SEC23IP: variants seen among roughly 807,000 people sequenced by gnomAD.
SEC23IP encodes SEC23-interacting protein.
A neutral mutation model predicts 113.4 loss-of-function variants in SEC23IP; 70 were observed. That is an observed-to-expected ratio of 0.62 (90% CI 0.51 to 0.75). The LOEUF is 0.75. Among genes scored for constraint, SEC23IP ranks in the 30% least tolerant of loss-of-function variants. SEC23IP has a pLI of 0.00. For missense variants in SEC23IP, 1,160 were observed against 1,204.9 expected, an observed-to-expected ratio of 0.96 and a Z score of 0.55; for synonymous variants, 398 against 421.0, an observed-to-expected ratio of 0.95 and a Z score of 0.67.
chr10:119,939,933 A>C (rs539324160), intron 18 of SEC23IP, among the ~76,000 whole-genome samples: 1 of 152,070 alleles, frequency 6.6e-6, no homozygotes, highest in Non-Finnish European at 1.5e-5. Context: ...CTGAGCTGAG[A>C]TGATCCACTT....
rs1282933655 is a variant in SEC23IP, at chr10:119,906,616, C to T, written c.1101+2339C>T. 1.3e-5 allele frequency among the ~76,000 whole-genome samples: 2 copies of T among 152,042 alleles called. 1 individual carries two copies. The highest frequency in any genetic ancestry group is 4.1e-4 in the South Asian group (2 of 4,824). On this transcript the variant is annotated intron_variant, in intron 4 of 18. Coordinates refer to ENST00000369075, the MANE Select transcript of SEC23IP (RefSeq NM_007190.4). ...TTTTTTAAACAGGATCTCACTGTCC[C>T]CCAGGGTGGAGTGCAGTGGCGTGAT...
rs765479607 is a variant in SEC23IP, at chr10:119,933,752, A to G, written c.2988A>G (p.Glu996=). 1 of 1,582,606 alleles carries G rather than the reference A, an allele frequency of 6.3e-7. No homozygotes were observed. The highest frequency in any genetic ancestry group is 8.7e-7 in the Non-Finnish European group (1 of 1,151,828). The change falls in exon 18 of 19, where the codon GAA becomes GAG. Residue 996 remains glutamate (E), a synonymous_variant. Transcript: ENST00000369075. The stretch of plus-strand genomic sequence containing the variant: ...ATCGAACAATGAACATTAGTCCAGA[A>G]CAGCCCCAGCATTGATCAAACTTCA... The part of the protein sequence containing the change: ...EIYRTMNISP[E]QPQH
intron 13 of SEC23IP, among the ~76,000 whole-genome samples, chr10:119,929,021 A>G (rs1350717080): frequency 6.6e-6 from 1 of 152,204 alleles, no homozygotes; most frequent in Non-Finnish European, 1.5e-5. Context: ...TGGAGGAGAG[A>G]GAGGTTAAGA....
Position 119,920,892 on chromosome 10 carries a change from A to C in SEC23IP, c.2029A>C (p.Met677Leu). 1 of 1,602,912 alleles carries C rather than the reference A, an allele frequency of 6.2e-7. No individual in the cohort carries two copies. The highest frequency in any genetic ancestry group is 8.5e-7 in the Non-Finnish European group (1 of 1,170,334). Reference sequence around the variant, plus strand: ...GCTTGTCTGTTTCCTTTTAAAGCTTATGTGTACAGTTGATGACCTGAAGGA... The same window carrying C: ...GCTTGTCTGTTTCCTTTTAAAGCTTCTGTGTACAGTTGATGACCTGAAGGA... Reference protein sequence around the residue: ...KEKIDMESLLMCTVDDLKEMG... With the variant: ...KEKIDMESLLLCTVDDLKEMG... Residue 677 changes from methionine (M) to leucine (L), a missense_variant, in exon 12 of 19, where the codon ATG (methionine) becomes CTG (leucine). Physicochemically the swap from Met to Leu is conservative, Grantham distance 15 (BLOSUM62 2). Transcript: ENST00000369075.
At chr10:119,919,993 A>G (rs1277224706) in intron 11 of SEC23IP, among the ~76,000 whole-genome samples, 1 of 152,238 alleles carries the variant, frequency 6.6e-6, no homozygotes, top group Non-Finnish European at 1.5e-5. Context: ...AGAAAAGGAA[A>G]TAACAAATGG....
chr10:119,922,112 C>A (rs1263874587), intron 12 of SEC23IP, among the ~76,000 whole-genome samples: 1 of 152,074 alleles, frequency 6.6e-6, no homozygotes, highest in Non-Finnish European at 1.5e-5. Context: ...ACATACCAGC[C>A]CCATAATAGC....
At position 119,939,037 on chromosome 10, in the gene SEC23IP, T is replaced by C. The variant is rs180998898; in HGVS notation, c.*21-1549T>C. Among the ~76,000 whole-genome samples, 14 of 152,204 alleles carry C rather than the reference T, an allele frequency of 9.2e-5. No individual in the cohort carries two copies. In the East Asian group the frequency reaches 2.7e-3, roughly 29 times the overall value. On this transcript the variant is annotated intron_variant, in intron 18 of 18. Transcript: ENST00000369075. ...TGAAAAGCCTCAAATTGGCCAGGTG[T>C]GGTGGCTTACACCTGTAATCTTAGC...
intron 18 of SEC23IP, among the ~76,000 whole-genome samples, chr10:119,938,124 CT>C (rs1309519130): frequency 1.5e-5 from 2 of 132,100 alleles, no homozygotes; most frequent in African/African-American, 5.3e-5. Flanking sequence ...AACCTCGTCT[CT>C]TAAAAAAAAA....
At chr10:119,914,021 G>A (rs185438823) in intron 6 of SEC23IP, among the ~76,000 whole-genome samples, 3 of 152,014 alleles carry the variant, frequency 2.0e-5, no homozygotes, top group Admixed American at 6.5e-5. Context: ...TTAACTGGGC[G>A]TGGTGGTGGG....
At chr10:119,902,249 G>C (rs1411640838) in intron 2 of SEC23IP, among the ~76,000 whole-genome samples, 1 of 152,126 alleles carries the variant, frequency 6.6e-6, no homozygotes, top group East Asian at 1.9e-4. Context: ...CCAGCTACTT[G>C]GGAGGCTGAG....
At chr10:119,935,081 C>A (rs917063552) in intron 18 of SEC23IP, among the ~76,000 whole-genome samples, 1 of 152,236 alleles carries the variant, frequency 6.6e-6, no homozygotes, top group African/African-American at 2.4e-5. Context: ...ACCTCCCTGC[C>A]TAGAGGCAGC....
intron 2 of SEC23IP, among the ~76,000 whole-genome samples, chr10:119,900,576 G>T (rs1854456476): frequency 6.6e-6 from 1 of 151,988 alleles, no homozygotes; most frequent in African/African-American, 2.4e-5. Flanking sequence ...ACCTCCCAAA[G>T]TTCTGGGATT....
intron 5 of SEC23IP, among the ~76,000 whole-genome samples, chr10:119,909,846 C>T (rs756789604): frequency 2.0e-5 from 3 of 151,922 alleles, no homozygotes; most frequent in Non-Finnish European, 4.4e-5. Flanking sequence ...GCTGTGATCA[C>T]GCTCACTCCA....
In SEC23IP at chr10:119,898,738, C is replaced by T. The variant is rs1287226925; in HGVS notation, c.475C>T (p.Gln159Ter). The T allele has an allele frequency of 1.2e-6, 2 of 1,614,122 alleles. No homozygotes were observed. Among genetic ancestry groups the T allele is most frequent in the African/African-American group, 1.3e-5 (1 of 74,932 alleles). ...LMGINSYLPSQPSSLPPSYFG... is the reference protein window; with the variant it reads ...LMGINSYLPS Reference sequence around the variant, plus strand: ...GGGAATAAATTCTTATCTGCCTTCTCAGCCAAGTAGTCTCCCTCCTTCATA... The same window carrying T: ...GGGAATAAATTCTTATCTGCCTTCTTAGCCAAGTAGTCTCCCTCCTTCATA... Residue 159 changes from glutamine to a stop codon, truncating the protein, a stop_gained, in exon 2 of 19, where the codon CAG becomes TAG. Transcript: ENST00000369075. LOFTEE classifies it high-confidence loss of function.
At chr10:119,920,743 A>G (rs1855228248) in intron 11 of SEC23IP, 146 bp from the exon 12 acceptor site, 2 of 533,232 alleles carry the variant, frequency 3.8e-6, no homozygotes, top group East Asian at 6.2e-5. Context: ...CTGATGCATG[A>G]TTTAAATACA....
intron 1 of SEC23IP, among the ~76,000 whole-genome samples, chr10:119,894,043 C>G (rs1854190377): frequency 6.6e-6 from 1 of 152,212 alleles, no homozygotes; most frequent in Non-Finnish European, 1.5e-5. Flanking sequence ...TGACTGTAGG[C>G]ATTTTACTTT....
intron 17 of SEC23IP, 36 bp downstream of exon 17, chr10:119,933,203 C>T: frequency 6.3e-7 from 1 of 1,583,728 alleles, no homozygotes; most frequent in Non-Finnish European, 8.7e-7. Context: ...TTTGAGTGGG[C>T]TTTTGGTGCT....
At chr10:119,893,564 G>T (rs1854171650) in intron 1 of SEC23IP, among the ~76,000 whole-genome samples, 1 of 143,134 alleles carries the variant, frequency 7.0e-6, no homozygotes, top group Non-Finnish European at 1.5e-5. Context: ...CTGTCGCCCA[G>T]GCTGGAATGC....
chr10:119,920,862 A>T, intron 11 of SEC23IP, 27 bp from the exon 12 acceptor site: 1 of 1,421,610 alleles, frequency 7.0e-7, no homozygotes, highest in Non-Finnish European at 9.9e-7. Flanking sequence ...TAGATTGATT[A>T]ATGTGCTTGT....
Sources: gnomAD v4.1 joint callset for allele counts (sites outside exome capture counted in the v4.1 genomes callset) on GRCh38, gnomAD v4.1.1 for gene constraint, MANE v1.5 for transcripts, NCBI Gene and HGNC (gene_info 2026-07-23, HGNC 2026-07-21) for gene names.